Variants in GPC6 observed in about 807,000 individuals in gnomAD.
The protein encoded by GPC6 is glypican 6, also known as glypican-6.
Under a neutral mutation model 55.2 loss-of-function variants are expected in GPC6, and 14 were observed. The ratio of observed to expected loss-of-function variants is 0.25; its 90% CI spans 0.17 to 0.40. The LOEUF (loss-of-function observed/expected upper bound fraction) is 0.40, where lower values mean the gene tolerates loss of function less well. Ranked by LOEUF, GPC6 falls within the 10% of genes least tolerant of loss-of-function variation. GPC6 has a pLI of 1.00. For missense variants in GPC6, 641 were observed against 708.5 expected (o/e 0.90, Z 1.08); for synonymous variants, 278 against 259.6 (o/e 1.07, Z -0.68).
At chr13:93,309,998 G>T (rs544415814) in intron 1 of GPC6, among the ~76,000 whole-genome samples, 31 of 152,324 alleles carry the variant, frequency 2.0e-4, no homozygotes, top group Admixed American at 1.6e-3. Context: ...GTTTGTGAAT[G>T]AACTAGTTGT....
intron 4 of GPC6, among the ~76,000 whole-genome samples, chr13:94,252,649 C>A (rs1053482346): frequency 3.9e-5 from 6 of 152,046 alleles, no homozygotes; most frequent in Non-Finnish European, 7.4e-5. Context: ...TGTGTGTTAT[C>A]TTTAGTATTA....
At chr13:93,424,863 A>G (rs953304670) in intron 1 of GPC6, among the ~76,000 whole-genome samples, 1 of 152,152 alleles carries the variant, frequency 6.6e-6, no homozygotes, top group Non-Finnish European at 1.5e-5. Context: ...ACAGGACCAC[A>G]TTTGAAGTTA....
chr13:93,451,084 G>A (rs1194441103), intron 1 of GPC6, among the ~76,000 whole-genome samples: 1 of 152,180 alleles, frequency 6.6e-6, no homozygotes, highest in Admixed American at 6.5e-5. Flanking sequence ...AAGTTTAAGA[G>A]AGAGAGAAAA....
intron 1 of GPC6, among the ~76,000 whole-genome samples, chr13:93,261,750 AGATAAG>A (rs1877154924): frequency 2.0e-5 from 3 of 152,152 alleles, no homozygotes; most frequent in Non-Finnish European, 4.4e-5. Context: ...TTGGACAAAC[AGATAAG>A]CTTCTTAACT....
Position 94,023,564 on chromosome 13 carries a change from G to A in GPC6, c.712-4165G>A, listed in dbSNP as rs1215182201. On this transcript the variant is annotated intron_variant, in intron 3 of 8. Transcript: ENST00000377047. ...ACAAACAAGCTGGAAACAGTTTAGC[G>A]ATTTCTTACAAAACGAAACATACTC... Among the ~76,000 whole-genome samples, 7 of 152,074 alleles carry A rather than the reference G, an allele frequency of 4.6e-5. 1 individual carries two copies. In the South Asian group the frequency reaches 6.2e-4, roughly 14 times the overall value.
intron 1 of GPC6, among the ~76,000 whole-genome samples, chr13:93,272,832 A>G (rs1877583090): frequency 6.6e-6 from 1 of 152,112 alleles, no homozygotes; most frequent in Non-Finnish European, 1.5e-5. Context: ...CTTTATTTCC[A>G]TGTTAGATAC....
chr13:93,532,752 C>T (rs762385196), intron 1 of GPC6, among the ~76,000 whole-genome samples: 3 of 152,132 alleles, frequency 2.0e-5, no homozygotes, highest in Admixed American at 6.6e-5. Flanking sequence ...GCCAGAAACA[C>T]TGGCAGAAGA....
chr13:93,382,307 G>A (rs1042723468), intron 1 of GPC6, among the ~76,000 whole-genome samples: 12 of 152,004 alleles, frequency 7.9e-5, no homozygotes, highest in South Asian at 2.1e-4. Context: ...CTCCTTAAGC[G>A]TTGTAATTAA....
At chr13:94,116,395 G>A (rs928348139) in intron 4 of GPC6, among the ~76,000 whole-genome samples, 1 of 152,040 alleles carries the variant, frequency 6.6e-6, no homozygotes, top group African/African-American at 2.4e-5. Context: ...ATTGTCATAT[G>A]TAAAGGTGCA....
chr13:93,380,255 T>A (rs534660682), intron 1 of GPC6, among the ~76,000 whole-genome samples: 1 of 152,098 alleles, frequency 6.6e-6, no homozygotes. Context: ...AGGAGACCAA[T>A]AAAGACAGAA....
intron 2 of GPC6, among the ~76,000 whole-genome samples, chr13:93,551,664 A>G (rs1594259406): frequency 6.6e-6 from 1 of 152,204 alleles, no homozygotes; most frequent in East Asian, 1.9e-4. Context: ...ACAAGAGATT[A>G]TACTACTCCC....
intron 4 of GPC6, among the ~76,000 whole-genome samples, chr13:94,254,677 GA>G (rs138434877): frequency 0.067 from 9,984 of 150,046 alleles, 543 homozygotes; most frequent in African/African-American, 0.15. Flanking sequence ...TTTTACTAAA[GA>G]AAAAAAAACA....
chr13:93,634,916 A>G (rs1212450477), intron 2 of GPC6, among the ~76,000 whole-genome samples: 1 of 152,174 alleles, frequency 6.6e-6, no homozygotes, highest in Non-Finnish European at 1.5e-5. Flanking sequence ...TGAGTAGGCA[A>G]AACTCTAGAA....
intron 1 of GPC6, among the ~76,000 whole-genome samples, chr13:93,239,625 G>C (rs978601061): frequency 6.7e-6 from 1 of 149,838 alleles, no homozygotes; most frequent in Non-Finnish European, 1.5e-5. Flanking sequence ...TTTCAGTTTC[G>C]GTTTTGTTTA....
At chr13:93,666,904 AT>A (rs1038674724) in intron 2 of GPC6, among the ~76,000 whole-genome samples, 93 of 152,300 alleles carry the variant, frequency 6.1e-4, no homozygotes, top group African/African-American at 2.2e-3. Context: ...GACTTAAATT[AT>A]TCATACTTAT....
At chr13:93,449,925 CTT>C (rs36091028) in intron 1 of GPC6, among the ~76,000 whole-genome samples, 2 of 149,928 alleles carry the variant, frequency 1.3e-5, no homozygotes, top group African/African-American at 4.9e-5. Flanking sequence ...ATGTTCCACT[CTT>C]TTTTTTTTCT....
chr13:93,853,471 A>T (rs564475951), intron 3 of GPC6, among the ~76,000 whole-genome samples: 1 of 151,804 alleles, frequency 6.6e-6, no homozygotes, highest in South Asian at 2.1e-4. Flanking sequence ...CTTTAATCAA[A>T]TTTTTACATT....
chr13:93,475,728 C>G (rs4400922), intron 1 of GPC6, among the ~76,000 whole-genome samples: 1 of 152,090 alleles, frequency 6.6e-6, no homozygotes, highest in South Asian at 2.1e-4. Flanking sequence ...TAATATAAAA[C>G]GCCAGAAATG....
intron 4 of GPC6, among the ~76,000 whole-genome samples, chr13:94,079,803 C>A (rs1885043479): frequency 6.6e-6 from 1 of 152,312 alleles, no homozygotes; most frequent in East Asian, 1.9e-4. Context: ...TTTCCTACAT[C>A]AGACTTTTAA....
Sources: gnomAD v4.1 joint callset for allele counts (sites outside exome capture counted in the v4.1 genomes callset) on GRCh38, gnomAD v4.1.1 for gene constraint, MANE v1.5 for transcripts, NCBI Gene and HGNC (gene_info 2026-07-23, HGNC 2026-07-21) for gene names.